Variants in PRDM6 observed in about 807,000 individuals in gnomAD.
PRDM6 encodes putative histone-lysine N-methyltransferase PRDM6.
A neutral mutation model predicts 60.8 loss-of-function variants in PRDM6; 25 were observed. The ratio of observed to expected loss-of-function variants is 0.41; its 90% CI spans 0.30 to 0.57. The LOEUF is 0.57. PRDM6 is among the 20% of genes least tolerant of loss of function. The pLI is 0.27. For synonymous variants in PRDM6, 407 were observed against 357.4 expected (o/e 1.14, Z -1.57); for missense variants, 839 against 821.3 (o/e 1.02, Z -0.26).
At chr5:123,089,928 G>T in intron 1 of PRDM6, 72 bp from the exon 2 acceptor site, 1 of 1,156,020 alleles carries the variant, frequency 8.7e-7, no homozygotes, top group Non-Finnish European at 1.2e-6. Context: ...TTTCTCCAGG[G>T]TCCCAGTGGC....
At position 123,090,480 on chromosome 5, in the gene PRDM6, G is replaced by GGCGGCGGGGAGGGTC. The variant is rs1218799164; in HGVS notation, c.473_487dup (p.Gly158_Gly162dup). Reference sequence around the variant, plus strand: ...CGTCAAGTGCGGTGGTGGTGGCGGCGGCGGCGGGGAGGGTCGCGGCGCCCC... The same window carrying GGCGGCGGGGAGGGTC: ...CGTCAAGTGCGGTGGTGGTGGCGGCGGCGGCGGGGAGGGTCGCGGCGGGGAGGGTCGCGGCGCCCC... On this transcript the variant is annotated inframe_insertion, in exon 2 of 8. Transcript: ENST00000407847. 5.0e-5 allele frequency: 74 copies of GGCGGCGGGGAGGGTC among 1,484,708 alleles called. No homozygotes were observed. Among genetic ancestry groups the GGCGGCGGGGAGGGTC allele is most frequent in the Non-Finnish European group, 4.2e-5 (47 of 1,126,134 alleles). The allele number at this position is 1,484,708 out of a possible 1,614,324, so 92.0% of individuals were successfully genotyped here.
In PRDM6 at chr5:123,187,120, C is replaced by T; in HGVS notation, c.1707C>T (p.Ala569=). 2 of 1,551,570 alleles carry T rather than the reference C, an allele frequency of 1.3e-6. No homozygotes were observed. The highest frequency in any genetic ancestry group is 2.4e-5 in the South Asian group (2 of 84,046). ...GGTGTGAGAGGAGCTTCACGCAGGCCACCCAGCTGAGCCGACACCAGCGGA... is the reference window on the plus strand; with the variant it reads ...GGTGTGAGAGGAGCTTCACGCAGGCTACCCAGCTGAGCCGACACCAGCGGA... The part of the protein sequence containing the change: ...CERCERSFTQ[A]TQLSRHQRMP... The change falls in exon 8 of 8, where the codon GCC becomes GCT. Residue 569 remains alanine, a synonymous_variant. Transcript: ENST00000407847.
At chr5:123,118,475 G>C (rs1408149464) in intron 3 of PRDM6, among the ~76,000 whole-genome samples, 1 of 152,182 alleles carries the variant, frequency 6.6e-6, no homozygotes, top group Non-Finnish European at 1.5e-5. Flanking sequence ...CAAATGAAGA[G>C]AACATGGGTT....
intron 3 of PRDM6, among the ~76,000 whole-genome samples, chr5:123,121,960 G>A (rs1307415461): frequency 8.6e-5 from 13 of 150,524 alleles, no homozygotes; most frequent in African/African-American, 1.2e-4. Context: ...TCAGGAGTTC[G>A]AGACCAGCCT....
Position 123,193,726 on chromosome 5 carries a change from G to GACATCC in PRDM6, c.*6527_*6532dup, listed in dbSNP as rs1766473619. 6.6e-6 allele frequency: 1 copy of GACATCC among 152,174 alleles called. No individual in the cohort carries two copies. The highest frequency in any genetic ancestry group is 6.5e-5 in the Admixed American group (1 of 15,272). The allele number at this position is 152,174 out of a possible 1,614,324, so 9.4% of individuals were successfully genotyped here. ...ATTATTTTTTTTATATCAAGGGGAAGACATCCAGTTCTGTAGGATGCTAAT... is the reference window on the plus strand; with the variant it reads ...ATTATTTTTTTTATATCAAGGGGAAGACATCCACATCCAGTTCTGTAGGATGCTAAT... On this transcript the variant is annotated 3_prime_UTR_variant, in exon 8 of 8. Coordinates refer to ENST00000407847, the MANE Select transcript of PRDM6 (RefSeq NM_001136239.4).
intron 3 of PRDM6, among the ~76,000 whole-genome samples, chr5:123,126,149 A>G (rs1276860221): frequency 2.0e-5 from 3 of 152,178 alleles, no homozygotes; most frequent in East Asian, 1.9e-4. Flanking sequence ...TCTGGGAATG[A>G]TGAGTCATCC....
intron 2 of PRDM6, among the ~76,000 whole-genome samples, chr5:123,096,443 ATCC>A (rs1419791227): frequency 2.8e-4 from 43 of 152,184 alleles, no homozygotes; most frequent in Non-Finnish European, 4.9e-4. Context: ...TGTTTTTAAT[ATCC>A]TCAAGCTACC....
intron 3 of PRDM6, among the ~76,000 whole-genome samples, chr5:123,143,540 G>A (rs1029274496): frequency 1.3e-5 from 2 of 152,240 alleles, no homozygotes; most frequent in East Asian, 3.9e-4. Context: ...CAAGTTGACG[G>A]GATCTCTTGG....
chr5:123,153,484 A>T (rs992785699), intron 3 of PRDM6, among the ~76,000 whole-genome samples: 1 of 152,184 alleles, frequency 6.6e-6, no homozygotes, highest in Non-Finnish European at 1.5e-5. Flanking sequence ...GTGGGGTTTA[A>T]GTAGGTGCAT....
Position 123,090,134 on chromosome 5 carries a change from C to G in PRDM6, c.120C>G (p.Ala40=). 1 of 1,537,990 alleles carries G rather than the reference C, an allele frequency of 6.5e-7. No homozygotes were observed. The highest frequency in any genetic ancestry group is 8.8e-7 in the Non-Finnish European group (1 of 1,142,064). The stretch of plus-strand genomic sequence containing the variant: ...CAGGCCCGCTCAAGGGCAGCGGCGC[C>G]GCGGGTCTCCTGAGCGCGCCGCAGC... ...GGAGPLKGSG[A]AGLLSAPQPL... is the part of the protein sequence containing the mutation. The change falls in exon 2 of 8, where the codon GCC becomes GCG. Residue 40 remains alanine (A), a synonymous_variant. Coordinates refer to ENST00000407847, the MANE Select transcript of PRDM6 (RefSeq NM_001136239.4).
chr5:123,145,737 T>C (rs1014521167), intron 3 of PRDM6, among the ~76,000 whole-genome samples: 1 of 54,980 alleles, frequency 1.8e-5, no homozygotes, highest in African/African-American at 6.4e-5. Context: ...GATCTAAAAA[T>C]ATGTTTTCTG....
At chr5:123,153,093 G>A (rs1765406378) in intron 3 of PRDM6, among the ~76,000 whole-genome samples, 1 of 151,256 alleles carries the variant, frequency 6.6e-6, no homozygotes, top group Non-Finnish European at 1.5e-5. Flanking sequence ...GAGGCTGATA[G>A]TATAGTGATA....
At chr5:123,155,469 G>A (rs1223011669) in intron 3 of PRDM6, among the ~76,000 whole-genome samples, 2 of 151,924 alleles carry the variant, frequency 1.3e-5, no homozygotes, top group South Asian at 4.2e-4. Context: ...ACTGCCTCCC[G>A]AATGCCTCTG....
intron 3 of PRDM6, among the ~76,000 whole-genome samples, chr5:123,110,277 T>C (rs1311308641): frequency 1.3e-5 from 2 of 148,970 alleles, no homozygotes; most frequent in Admixed American, 1.3e-4. Flanking sequence ...CATTTCCTTT[T>C]TTTTTTTTTT....
chr5:123,150,160 G>T (rs1388533635), intron 3 of PRDM6, among the ~76,000 whole-genome samples: 1 of 151,982 alleles, frequency 6.6e-6, no homozygotes, highest in Non-Finnish European at 1.5e-5. Flanking sequence ...TTTTATATCA[G>T]CTCTTTGAGG....
At chr5:123,162,732 GTCA>G (rs1303922911) in intron 5 of PRDM6, among the ~76,000 whole-genome samples, 3 of 152,150 alleles carry the variant, frequency 2.0e-5, no homozygotes, top group Non-Finnish European at 4.4e-5. Context: ...CTGTCTCAGA[GTCA>G]TATATCTGTC....
intron 3 of PRDM6, among the ~76,000 whole-genome samples, chr5:123,129,334 T>C (rs978276318): frequency 6.6e-6 from 1 of 152,202 alleles, no homozygotes; most frequent in African/African-American, 2.4e-5. Context: ...TAGCATTGAA[T>C]CTATATATTA....
chr5:123,116,012 C>G (rs1764434254), intron 3 of PRDM6, among the ~76,000 whole-genome samples: 2 of 152,200 alleles, frequency 1.3e-5, no homozygotes, highest in African/African-American at 4.8e-5. Flanking sequence ...TTGTTGATCA[C>G]TTTTTAATTT....
chr5:123,182,506 T>C (rs1580544994), intron 7 of PRDM6, among the ~76,000 whole-genome samples: 1 of 152,208 alleles, frequency 6.6e-6, no homozygotes, highest in East Asian at 1.9e-4. Context: ...AAATGGGAAA[T>C]AGATTTCTAT....
Sources: allele counts gnomAD v4.1 joint callset (sites outside exome capture counted in the v4.1 genomes callset), GRCh38; gene constraint gnomAD v4.1.1; transcripts MANE v1.5; gene names NCBI Gene and HGNC (gene_info 2026-07-23, HGNC 2026-07-21).